Variants in GABRB3 observed in about 807,000 individuals in gnomAD.
The protein encoded by GABRB3 is gamma-aminobutyric acid receptor subunit beta-3.
Under a neutral mutation model 52.1 loss-of-function variants are expected in GABRB3, and 14 were observed. The ratio of observed to expected loss-of-function variants is 0.27; its 90% CI spans 0.18 to 0.42. The LOEUF (loss-of-function observed/expected upper bound fraction) is 0.42. GABRB3 is among the 10% of genes least tolerant of loss of function. The pLI is 1.00. For missense variants in GABRB3, 307 were observed against 609.1 expected (o/e 0.50, Z 5.22); for synonymous variants, 260 against 232.3 (o/e 1.12, Z -1.08).
At chr15:26,746,363 A>C (rs908065638) in intron 3 of GABRB3, among the ~76,000 whole-genome samples, 1 of 152,040 alleles carries the variant, frequency 6.6e-6, no homozygotes, top group Non-Finnish European at 1.5e-5. Context: ...TTCTTTGTCA[A>C]ATGCATGGTT....
At chr15:26,692,716 C>T (rs991820732) in intron 3 of GABRB3, among the ~76,000 whole-genome samples, 1 of 152,074 alleles carries the variant, frequency 6.6e-6, no homozygotes, top group Non-Finnish European at 1.5e-5. Flanking sequence ...ATCCCAATAG[C>T]TTTTGCAATG....
At chr15:26,625,421 C>G (rs1892653400) in intron 3 of GABRB3, 13 of 960,186 alleles carry the variant, frequency 1.4e-5, no homozygotes, top group Non-Finnish European at 1.6e-5. Flanking sequence ...AGGGAAGTCA[C>G]CAATTTTTAC....
At chr15:26,650,578 C>T (rs190164749) in intron 3 of GABRB3, among the ~76,000 whole-genome samples, 4 of 152,030 alleles carry the variant, frequency 2.6e-5, no homozygotes, top group Non-Finnish European at 5.9e-5. Context: ...AAGCTGAAGA[C>T]AATTTAAAGC....
At chr15:26,700,668 A>G (rs1772512231) in intron 3 of GABRB3, among the ~76,000 whole-genome samples, 1 of 151,598 alleles carries the variant, frequency 6.6e-6, no homozygotes, top group African/African-American at 2.4e-5. Context: ...TTTTAAGTCA[A>G]TCAATGTAAT....
chr15:26,681,161 C>A (rs911318423), intron 3 of GABRB3, among the ~76,000 whole-genome samples: 3 of 152,080 alleles, frequency 2.0e-5, no homozygotes, highest in African/African-American at 4.8e-5. Context: ...CAACCAGCGG[C>A]ATTTCTAATA....
At chr15:26,610,227 C>A (rs1226591096) in intron 4 of GABRB3, among the ~76,000 whole-genome samples, 1 of 152,092 alleles carries the variant, frequency 6.6e-6, no homozygotes, top group African/African-American at 2.4e-5. Flanking sequence ...AAAGTAACAG[C>A]AAAAACTGCA....
At chr15:26,631,588 G>GACCTCAGGTCATCTCAAAAC (rs1892914384) in intron 3 of GABRB3, among the ~76,000 whole-genome samples, 1 of 152,206 alleles carries the variant, frequency 6.6e-6, no homozygotes, top group Non-Finnish European at 1.5e-5. Flanking sequence ...TCAGGTCAGG[G>GACCTCAGGTCATCTCAAAAC]AAGATGGAAA....
chr15:26,667,530 T>C (rs17646800), intron 3 of GABRB3, among the ~76,000 whole-genome samples: 24,971 of 152,208 alleles, frequency 0.16, 2,208 homozygotes, highest in Admixed American at 0.22. Context: ...TGCATCAGCC[T>C]TCTACAAAAG....
At chr15:26,671,483 T>A (rs1265426254) in intron 3 of GABRB3, among the ~76,000 whole-genome samples, 2 of 152,206 alleles carry the variant, frequency 1.3e-5, no homozygotes, top group Non-Finnish European at 1.5e-5. Context: ...ATGAAACCAG[T>A]GCCACTAAAA....
intron 3 of GABRB3, among the ~76,000 whole-genome samples, chr15:26,754,158 T>C (rs184463753): frequency 7.6e-4 from 115 of 152,134 alleles, no homozygotes; most frequent in African/African-American, 2.5e-3. Context: ...CTGCCTAAGA[T>C]GGGAGGCAGA....
At chr15:26,561,894 T>C (rs1890002650) in intron 7 of GABRB3, among the ~76,000 whole-genome samples, 1 of 152,206 alleles carries the variant, frequency 6.6e-6, no homozygotes, top group Admixed American at 6.5e-5. Flanking sequence ...GGGTTAATGA[T>C]TTCATTCATC....
intron 3 of GABRB3, among the ~76,000 whole-genome samples, chr15:26,710,576 A>T (rs1020567681): frequency 1.3e-5 from 2 of 152,248 alleles, no homozygotes; most frequent in African/African-American, 4.8e-5. Context: ...CTTAAGAAGC[A>T]GAATTGCTGG....
intron 3 of GABRB3, among the ~76,000 whole-genome samples, chr15:26,708,377 C>T (rs146670236): frequency 1.3e-5 from 2 of 152,268 alleles, no homozygotes; most frequent in East Asian, 3.9e-4. Flanking sequence ...CTGCTCAATA[C>T]AGGTGCAGAT....
At chr15:26,605,238 C>T (rs1891744212) in intron 4 of GABRB3, among the ~76,000 whole-genome samples, 1 of 152,122 alleles carries the variant, frequency 6.6e-6, no homozygotes, top group Non-Finnish European at 1.5e-5. Flanking sequence ...GTTAAAATAA[C>T]TTTTATCCAA....
intron 4 of GABRB3, among the ~76,000 whole-genome samples, chr15:26,617,473 G>T (rs1455360835): frequency 6.6e-6 from 1 of 152,166 alleles, no homozygotes; most frequent in Non-Finnish European, 1.5e-5. Context: ...AATGCTTCAT[G>T]CTAAAAACTC....
At chr15:26,608,638 G>A (rs1258773460) in intron 4 of GABRB3, among the ~76,000 whole-genome samples, 1 of 152,008 alleles carries the variant, frequency 6.6e-6, no homozygotes, top group African/African-American at 2.4e-5. Context: ...AATGGAGAAG[G>A]AACCTAAAGA....
intron 3 of GABRB3, among the ~76,000 whole-genome samples, chr15:26,650,802 G>T (rs952227246): frequency 9.2e-5 from 14 of 151,966 alleles, no homozygotes; most frequent in Admixed American, 9.2e-4. Context: ...TGCCTATAAA[G>T]ACCCCAGACT....
intron 3 of GABRB3, among the ~76,000 whole-genome samples, chr15:26,677,868 G>C (rs1888117353): frequency 6.6e-6 from 1 of 152,126 alleles, no homozygotes; most frequent in African/African-American, 2.4e-5. Flanking sequence ...ATTTCACCCA[G>C]ATATCAGCAC....
intron 6 of GABRB3, among the ~76,000 whole-genome samples, chr15:26,568,684 G>GGGGTTTTTTTTTT (rs1555402038): frequency 7.5e-6 from 1 of 133,670 alleles, no homozygotes; most frequent in Non-Finnish European, 1.6e-5. Context: ...TTTTTTTTTG[G>GGGGTTTTTTTTTT]TTTTGTATGT....
Sources: gnomAD v4.1 joint callset for allele counts (sites outside exome capture counted in the v4.1 genomes callset) on GRCh38, gnomAD v4.1.1 for gene constraint, MANE v1.5 for transcripts, NCBI Gene and HGNC (gene_info 2026-07-23, HGNC 2026-07-21) for gene names.